KAT6A: variants seen among roughly 807,000 people sequenced by gnomAD.
KAT6A encodes lysine acetyltransferase 6A.
KAT6A carries 9 observed loss-of-function variants against 198.4 expected under a neutral mutation model. That is an observed-to-expected ratio of 0.05 (90% CI 0.03 to 0.08). KAT6A has a LOEUF of 0.08. Among genes scored for constraint, KAT6A ranks in the 10% least tolerant of loss-of-function variants. KAT6A has a pLI of 1.00. For missense variants in KAT6A, 2,077 were observed against 2,509.9 expected (o/e 0.83, Z 3.69); for synonymous variants, 890 against 883.0 (o/e 1.01, Z -0.14).
chr8:41,934,864 G>C lies in KAT6A; in HGVS notation c.3356C>G (p.Thr1119Ser), dbSNP rs764678987. 15 of 1,599,946 alleles carry C rather than the reference G, an allele frequency of 9.4e-6. No homozygotes were observed. The highest frequency in any genetic ancestry group is 1.3e-5 in the Non-Finnish European group (15 of 1,175,046). ...AAGAGATACTGGCTTTAAGATAGGA[G>C]TGTCTATACAGGAAGGAAAAAAAAC... ...EDEESDDADDTPILKPVSLLR... is the reference protein window; with the variant it reads ...EDEESDDADDSPILKPVSLLR... Residue 1119 changes from threonine to serine, a missense_variant, in exon 17 of 17, where the codon ACT becomes AGT. By Grantham distance (58) the Thr-to-Ser change is moderately conservative. Around this residue, in one of 13 missense-constraint regions of KAT6A, gnomAD observed 375 missense variants for 383.0 expected, o/e 0.98. Coordinates refer to ENST00000265713, the MANE Select transcript of KAT6A (RefSeq NM_006766.5).
rs1020378684 is a variant in KAT6A at position 41,962,864 on chromosome 8, C to T, written c.1483-7453G>A. 3.3e-5 allele frequency among the ~76,000 whole-genome samples: 5 copies of T among 152,256 alleles called. No homozygotes were observed. The South Asian group carries it at 8.3e-4, about 25-fold the overall frequency. ...ATCATGCCAAGCACAAATTGTGACT[C>T]GGGTCTTTGCATTTCCTGTTCCTAT... On this transcript the variant is annotated intron_variant, in intron 8 of 16. Transcript: ENST00000265713.
At chr8:42,047,731 A>G (rs1390708997) in intron 2 of KAT6A, among the ~76,000 whole-genome samples, 1 of 152,208 alleles carries the variant, frequency 6.6e-6, no homozygotes, top group Admixed American at 6.5e-5. Flanking sequence ...TTTCTAGTTT[A>G]GGATACTGTA....
In KAT6A at chr8:41,934,176, T is replaced by C. The variant is rs370052957; in HGVS notation, c.4044A>G (p.Gln1348=). ...REDVKEEPGV[Q]ESFLDANMQK... ...GCATATTAGCATCTAAAAAAGACTC[T>C]TGAACACCAGGCTCCTCCTTGACAT... Residue 1348 remains glutamine (Q), a synonymous_variant, in exon 17 of 17, where the codon CAA becomes CAG. Coordinates refer to ENST00000265713, the MANE Select transcript of KAT6A (RefSeq NM_006766.5). 5 of 1,614,208 alleles carry C rather than the reference T, an allele frequency of 3.1e-6. No homozygotes were observed. The highest frequency in any genetic ancestry group is 3.3e-5 in the Admixed American group (2 of 60,018).
At chr8:41,968,245 C>G (rs925020269) in intron 8 of KAT6A, among the ~76,000 whole-genome samples, 1 of 152,162 alleles carries the variant, frequency 6.6e-6, no homozygotes, top group African/African-American at 2.4e-5. Context: ...GGCTAATATA[C>G]AGAATCTACA....
At chr8:41,989,143 CA>C (rs1466160395) in intron 2 of KAT6A, among the ~76,000 whole-genome samples, 1 of 152,028 alleles carries the variant, frequency 6.6e-6, no homozygotes, top group Non-Finnish European at 1.5e-5. Context: ...AAAAGGTGTT[CA>C]AAAAGGTAGA....
chr8:41,993,115 G>T (rs1294724681), intron 2 of KAT6A, among the ~76,000 whole-genome samples: 2 of 152,142 alleles, frequency 1.3e-5, no homozygotes, highest in East Asian at 3.9e-4. Context: ...TTTTATATAT[G>T]ATCAGTTTCA....
intron 2 of KAT6A, 97 bp downstream of exon 2, chr8:42,048,281 C>T: frequency 7.3e-7 from 1 of 1,376,120 alleles, no homozygotes; most frequent in Non-Finnish European, 1.0e-6. Flanking sequence ...CACAGAAGTC[C>T]CCAAACAAAA....
intron 2 of KAT6A, among the ~76,000 whole-genome samples, chr8:42,045,752 C>T (rs1802224335): frequency 6.7e-6 from 1 of 149,308 alleles, no homozygotes; most frequent in East Asian, 2.0e-4. Flanking sequence ...GTGGGCAGGT[C>T]GCTTGAGGTC....
chr8:42,050,519 A>G (rs188818561), intron 1 of KAT6A, among the ~76,000 whole-genome samples: 1 of 152,340 alleles, frequency 6.6e-6, no homozygotes, highest in East Asian at 1.9e-4. Flanking sequence ...CACACTAGGA[A>G]AGAGATATTA....
Position 41,941,141 on chromosome 8 carries a change from T to C in KAT6A, c.2740A>G (p.Thr914Ala). 1 of 1,614,200 alleles carries C rather than the reference T, an allele frequency of 6.2e-7. No homozygotes were observed. The highest frequency in any genetic ancestry group is 8.5e-7 in the Non-Finnish European group (1 of 1,180,030). The stretch of plus-strand genomic sequence containing the variant: ...GCCACCAGCTGTTCTTCACTTTCAG[T>C]GTATTGTTCCTGGGTGGCTTCTGAT... Reference protein sequence around the residue: ...EKSEATQEQYTESEEQLVASE... With the variant: ...EKSEATQEQYAESEEQLVASE... The change falls in exon 15 of 17, where the codon ACT becomes GCT. Residue 914 changes from threonine (T) to alanine (A), a missense_variant. Physicochemically the swap from Thr to Ala is moderately conservative, Grantham distance 58. Coordinates refer to ENST00000265713, the MANE Select transcript of KAT6A (RefSeq NM_006766.5).
intron 2 of KAT6A, among the ~76,000 whole-genome samples, chr8:41,991,437 T>C (rs1411863925): frequency 6.6e-6 from 1 of 152,170 alleles, no homozygotes; most frequent in Non-Finnish European, 1.5e-5. Flanking sequence ...CATTGTTATG[T>C]CAGGAAAGTG....
chr8:41,980,773 A>G, intron 5 of KAT6A, 73 bp downstream of exon 5: 1 of 1,005,986 alleles, frequency 9.9e-7, no homozygotes, highest in Non-Finnish European at 1.6e-6. Context: ...TTCATTTAAC[A>G]AAGTAGATAA....
intron 5 of KAT6A, among the ~76,000 whole-genome samples, chr8:41,979,052 G>A (rs1824213133): frequency 6.6e-6 from 1 of 152,192 alleles, no homozygotes; most frequent in Admixed American, 6.5e-5. Flanking sequence ...TGGATCACCT[G>A]AGGTCAGGAG....
rs181619269 is a variant in KAT6A at position 42,027,796 on chromosome 8, A to T, written c.600+20582T>A. 2.0e-3 allele frequency among the ~76,000 whole-genome samples: 302 copies of T among 151,012 alleles called. 1 individual carries two copies. Among genetic ancestry groups the T allele is most frequent in the Non-Finnish European group, 1.5e-3 (103 of 67,646 alleles). ...TTTTATTTCTGCTCCTGCCTTTATTATTTCTTTCTTTCTACTAATTTGAGG... is the reference window on the plus strand; with the variant it reads ...TTTTATTTCTGCTCCTGCCTTTATTTTTTCTTTCTTTCTACTAATTTGAGG... On this transcript the variant is annotated intron_variant, in intron 2 of 16. Coordinates refer to ENST00000265713, the MANE Select transcript of KAT6A (RefSeq NM_006766.5).
intron 2 of KAT6A, among the ~76,000 whole-genome samples, chr8:42,038,164 G>A (rs983277786): frequency 2.0e-5 from 3 of 152,300 alleles, no homozygotes; most frequent in African/African-American, 7.2e-5. Flanking sequence ...CATTTGTGTT[G>A]CAGACCTACT....
At chr8:41,960,648 C>G (rs977513283) in intron 8 of KAT6A, among the ~76,000 whole-genome samples, 1 of 151,924 alleles carries the variant, frequency 6.6e-6, no homozygotes, top group African/African-American at 2.4e-5. Flanking sequence ...TTTTCCTAAG[C>G]CTTTTTGCTC....
At chr8:42,023,175 A>T (rs1365456881) in intron 2 of KAT6A, among the ~76,000 whole-genome samples, 4 of 152,310 alleles carry the variant, frequency 2.6e-5, no homozygotes, top group African/African-American at 9.6e-5. Context: ...AGATTTTTTT[A>T]AATTAGTACA....
intron 3 of KAT6A, among the ~76,000 whole-genome samples, chr8:41,983,359 C>T (rs1356238431): frequency 6.6e-6 from 1 of 152,200 alleles, no homozygotes; most frequent in Non-Finnish European, 1.5e-5. Context: ...AAATTTCACC[C>T]ACAATCCTAT....
At position 41,929,884 on chromosome 8, in the gene KAT6A, GCT is replaced by G. The variant is rs1344676585; in HGVS notation, c.*2319_*2320del. ...TTTAAAGATGGAATGAAATGAAAAA[GCT>G]CTTATTTTAAAAGGCATCAAAGTCA... On this transcript the variant is annotated 3_prime_UTR_variant, in exon 17 of 17. Transcript: ENST00000265713. 1 of 208,286 alleles carries G rather than the reference GCT, an allele frequency of 4.8e-6. No individual in the cohort carries two copies. Among genetic ancestry groups the G allele is most frequent in the Non-Finnish European group, 9.8e-6 (1 of 102,416 alleles). The allele number at this position is 208,286 out of a possible 1,614,324, so 12.9% of individuals were successfully genotyped here.
Sources: allele counts gnomAD v4.1 joint callset (sites outside exome capture counted in the v4.1 genomes callset), GRCh38; gene constraint gnomAD v4.1.1; regional missense constraint gnomAD v4.1.1; transcripts MANE v1.5; gene names NCBI Gene and HGNC (gene_info 2026-07-23, HGNC 2026-07-21).